The following EDIL3 variants were observed in gnomAD, a reference collection of about 807,000 sequenced individuals.
EDIL3 encodes EGF like and discoidin domains 3.
A neutral mutation model predicts 67.4 loss-of-function variants in EDIL3; 37 were observed. That is an observed-to-expected ratio of 0.55 (90% CI 0.42 to 0.72). The LOEUF is 0.72. EDIL3 is among the 30% of genes least tolerant of loss of function. The probability of loss-of-function intolerance (pLI) is 0.00; values close to 1 mark genes in which losing one functional copy is unlikely to be tolerated. For missense variants in EDIL3, 527 were observed against 586.3 expected (o/e 0.90, Z 1.04); for synonymous variants, 195 against 196.3 (o/e 0.99, Z 0.05).
chr5:84,009,023 G>T (rs929789227), intron 9 of EDIL3, among the ~76,000 whole-genome samples: 2 of 152,118 alleles, frequency 1.3e-5, no homozygotes, highest in Non-Finnish European at 2.9e-5. Context: ...ATGTTGCCCA[G>T]CTGGTCTTAA....
intron 2 of EDIL3, among the ~76,000 whole-genome samples, chr5:84,230,917 G>C (rs1176900533): frequency 6.6e-6 from 1 of 152,040 alleles, no homozygotes; most frequent in Non-Finnish European, 1.5e-5. Flanking sequence ...CTTATGTTCT[G>C]CAACCCACAT....
chr5:84,268,366 C>T (rs1745392975), intron 1 of EDIL3, among the ~76,000 whole-genome samples: 2 of 152,070 alleles, frequency 1.3e-5, no homozygotes, highest in Admixed American at 1.3e-4. Flanking sequence ...CCAGTCCTTT[C>T]TGAATCCATG....
chr5:84,036,677 G>A (rs187049546), intron 9 of EDIL3, among the ~76,000 whole-genome samples: 93 of 152,246 alleles, frequency 6.1e-4, no homozygotes, highest in African/African-American at 2.2e-3. Flanking sequence ...GGGACTTGAG[G>A]GATTCTAGCA....
chr5:84,271,890 G>T (rs1358024838), intron 1 of EDIL3, among the ~76,000 whole-genome samples: 2 of 152,108 alleles, frequency 1.3e-5, no homozygotes, highest in African/African-American at 4.8e-5. Context: ...CTCAACTGTG[G>T]AATGATTCCA....
At chr5:84,309,834 T>G (rs1042973746) in intron 1 of EDIL3, among the ~76,000 whole-genome samples, 6 of 152,198 alleles carry the variant, frequency 3.9e-5, no homozygotes, top group Non-Finnish European at 8.8e-5. Flanking sequence ...CAGCATGATT[T>G]ATAGTCCTTT....
chr5:84,247,453 A>G (rs1336782665), intron 2 of EDIL3, among the ~76,000 whole-genome samples: 1 of 152,166 alleles, frequency 6.6e-6, no homozygotes, highest in Middle Eastern at 3.2e-3. Context: ...TGCCTTCTGA[A>G]AGATAAACAT....
intron 9 of EDIL3, among the ~76,000 whole-genome samples, chr5:83,990,668 G>A (rs547252657): frequency 3.3e-4 from 50 of 151,892 alleles, no homozygotes; most frequent in Middle Eastern, 3.4e-3. Context: ...ATTAATTGAG[G>A]TCAGGAGTTC....
At chr5:83,980,935 A>G (rs139505437) in intron 9 of EDIL3, among the ~76,000 whole-genome samples, 1 of 152,108 alleles carries the variant, frequency 6.6e-6, no homozygotes, top group African/African-American at 2.4e-5. Flanking sequence ...AAATTCAACA[A>G]AGGAAATGCA....
intron 1 of EDIL3, among the ~76,000 whole-genome samples, chr5:84,310,517 C>T (rs1746364993): frequency 6.6e-6 from 1 of 152,036 alleles, no homozygotes; most frequent in African/African-American, 2.4e-5. Flanking sequence ...CTAGTATGCC[C>T]TAGATGACAG....
At chr5:83,999,406 T>A (rs2112167564) in intron 9 of EDIL3, among the ~76,000 whole-genome samples, 1 of 152,146 alleles carries the variant, frequency 6.6e-6, no homozygotes, top group East Asian at 1.9e-4. Flanking sequence ...CAAGATAACA[T>A]GAAGAAGGAA....
chr5:84,060,149 A>C, intron 9 of EDIL3, 151 bp downstream of exon 9: 1 of 932,946 alleles, frequency 1.1e-6, no homozygotes. Context: ...TGGTTTCATA[A>C]GGAATTTGTG....
intron 2 of EDIL3, among the ~76,000 whole-genome samples, chr5:84,239,062 C>T (rs1015792473): frequency 1.1e-4 from 17 of 152,136 alleles, no homozygotes; most frequent in African/African-American, 4.1e-4. Flanking sequence ...CATCAAGGAA[C>T]ATGTCATATC....
intron 5 of EDIL3, among the ~76,000 whole-genome samples, chr5:84,128,897 GA>G (rs1234802514): frequency 1.3e-5 from 2 of 151,624 alleles, no homozygotes; most frequent in Non-Finnish European, 3.0e-5. Flanking sequence ...GAAATAATTT[GA>G]AAACAAAAAC....
chr5:84,046,156 T>C (rs1386503477), intron 9 of EDIL3, among the ~76,000 whole-genome samples: 1 of 152,224 alleles, frequency 6.6e-6, no homozygotes, highest in Non-Finnish European at 1.5e-5. Context: ...TTCCAAATAT[T>C]TCATACATGT....
rs778948203 is a variant in EDIL3, at chr5:84,064,681, T to C, written c.952+19A>G. Reference sequence around the variant, plus strand: ...GTTTTCTTTAAATAGAATACAGAAATAGTTAATTTGAGACTTACCCGACAG... The same window carrying C: ...GTTTTCTTTAAATAGAATACAGAAACAGTTAATTTGAGACTTACCCGACAG... On this transcript the variant is annotated intron_variant, in intron 8 of 10. Coordinates refer to ENST00000296591, the MANE Select transcript of EDIL3 (RefSeq NM_005711.5). 1.9e-6 allele frequency: 3 copies of C among 1,605,904 alleles called. No individual in the cohort carries two copies. The highest frequency in any genetic ancestry group is 2.6e-6 in the Non-Finnish European group (3 of 1,176,218).
intron 3 of EDIL3, among the ~76,000 whole-genome samples, chr5:84,206,833 A>T (rs1743990456): frequency 6.6e-6 from 1 of 152,210 alleles, no homozygotes; most frequent in Non-Finnish European, 1.5e-5. Context: ...AAGGCCTTTG[A>T]CAAAATTCAA....
intron 9 of EDIL3, among the ~76,000 whole-genome samples, chr5:83,977,571 T>C (rs988020212): frequency 5.9e-5 from 9 of 151,868 alleles, no homozygotes; most frequent in Admixed American, 4.6e-4. Flanking sequence ...TAATTATAAG[T>C]CTATTCAAGA....
At chr5:84,185,702 T>A (rs925252216) in intron 3 of EDIL3, among the ~76,000 whole-genome samples, 1 of 152,150 alleles carries the variant, frequency 6.6e-6, no homozygotes, top group Non-Finnish European at 1.5e-5. Flanking sequence ...AAGCTTCTAG[T>A]CCTTTAAATT....
At chr5:84,005,642 C>A (rs1745402112) in intron 9 of EDIL3, among the ~76,000 whole-genome samples, 1 of 151,862 alleles carries the variant, frequency 6.6e-6, no homozygotes, top group South Asian at 2.1e-4. Flanking sequence ...TGTTAAAACC[C>A]ACAACAAATT....
Sources: gnomAD v4.1 joint callset for allele counts (sites outside exome capture counted in the v4.1 genomes callset) on GRCh38, gnomAD v4.1.1 for gene constraint, MANE v1.5 for transcripts, NCBI Gene and HGNC (gene_info 2026-07-23, HGNC 2026-07-21) for gene names.